FRMD4A: variants seen among roughly 807,000 people sequenced by gnomAD.
FRMD4A encodes the protein FERM domain-containing protein 4A.
Under a neutral mutation model 129.1 loss-of-function variants are expected in FRMD4A, and 29 were observed. That is an observed-to-expected ratio of 0.22 (90% CI 0.17 to 0.31). FRMD4A has a LOEUF of 0.31. Ranked by LOEUF, FRMD4A falls within the 10% of genes least tolerant of loss-of-function variation. FRMD4A has a pLI of 1.00. For synonymous variants in FRMD4A, 634 were observed against 571.6 expected (o/e 1.11, Z -1.56); for missense variants, 1,272 against 1,375.8 (o/e 0.92, Z 1.19).
intron 2 of FRMD4A, among the ~76,000 whole-genome samples, chr10:14,128,101 TTTC>T (rs1839027632): frequency 3.3e-5 from 2 of 60,136 alleles, no homozygotes; most frequent in African/African-American, 5.6e-5. Context: ...TCTTTCTTTC[TTTC>T]TTTTCTTTTC....
chr10:13,801,752 C>G (rs920586063), intron 4 of FRMD4A, among the ~76,000 whole-genome samples: 13 of 152,186 alleles, frequency 8.5e-5, no homozygotes, highest in African/African-American at 2.9e-4. Flanking sequence ...ACTTCCTGTA[C>G]TCTACAGGGT....
intron 7 of FRMD4A, 93 bp downstream of exon 7, chr10:13,762,531 G>T: frequency 1.3e-6 from 1 of 742,774 alleles, no homozygotes; most frequent in Non-Finnish European, 2.4e-6. Context: ...CAAATAGTGA[G>T]TAGATACAGC....
chr10:14,304,022 C>A (rs1445782312), intron 2 of FRMD4A, among the ~76,000 whole-genome samples: 2 of 152,130 alleles, frequency 1.3e-5, no homozygotes, highest in African/African-American at 4.8e-5. Flanking sequence ...ATACCTTTTT[C>A]ATCCATTTAT....
chr10:14,094,433 A>T (rs1399997382), intron 2 of FRMD4A, among the ~76,000 whole-genome samples: 1 of 152,212 alleles, frequency 6.6e-6, no homozygotes, highest in Non-Finnish European at 1.5e-5. Flanking sequence ...CTATCCTGCT[A>T]TCCTGCTTCC....
Position 14,008,118 on chromosome 10 carries a change from G to C in FRMD4A, c.46-149206C>G, listed in dbSNP as rs1442643304. 2.3e-6 allele frequency: 3 copies of C among 1,302,046 alleles called. 1 individual carries two copies. In the Admixed American group the frequency reaches 6.9e-5, roughly 30 times the overall value. The allele number at this position is 1,302,046 out of a possible 1,614,324, so 80.7% of individuals were successfully genotyped here. ...AGGAATTTTCAGTAAAAGTCTTTGG[G>C]ATCTATTCGGAGCCACTGCAGCCTG... On this transcript the variant is annotated intron_variant, in intron 2 of 24. Coordinates refer to ENST00000357447, the MANE Select transcript of FRMD4A (RefSeq NM_018027.5).
chr10:14,187,529 C>CT (rs1436335056), intron 2 of FRMD4A, among the ~76,000 whole-genome samples: 1 of 152,196 alleles, frequency 6.6e-6, no homozygotes, highest in Non-Finnish European at 1.5e-5. Flanking sequence ...TATCCCATGC[C>CT]TTTCTCCATT....
intron 17 of FRMD4A, chr10:13,668,477 A>G (rs1252031319): frequency 6.6e-6 from 1 of 152,250 alleles, no homozygotes; most frequent in Non-Finnish European, 1.5e-5. Flanking sequence ...ATAGGGAAGC[A>G]AAGTGCGTTT....
At chr10:13,694,245 G>C (rs372221011) in intron 14 of FRMD4A, among the ~76,000 whole-genome samples, 2 of 152,376 alleles carry the variant, frequency 1.3e-5, no homozygotes, top group South Asian at 2.1e-4. Context: ...CTCAAGAGCT[G>C]CATCAATTGA....
intron 2 of FRMD4A, among the ~76,000 whole-genome samples, chr10:13,981,664 C>T (rs923480425): frequency 2.0e-5 from 3 of 146,548 alleles, no homozygotes; most frequent in African/African-American, 5.0e-5. Flanking sequence ...GTTTCAACTC[C>T]GGAGGCGGAG....
intron 2 of FRMD4A, among the ~76,000 whole-genome samples, chr10:14,002,736 A>G (rs1375370238): frequency 6.6e-6 from 1 of 152,188 alleles, no homozygotes; most frequent in African/African-American, 2.4e-5. Context: ...GGGAGCCAGC[A>G]GGGAGAGCAT....
chr10:13,977,392 T>C (rs1395797144), intron 2 of FRMD4A, among the ~76,000 whole-genome samples: 1 of 152,224 alleles, frequency 6.6e-6, no homozygotes, highest in Non-Finnish European at 1.5e-5. Flanking sequence ...GCAATCTCCA[T>C]GTGTAATCAA....
chr10:14,329,656 C>T (rs1843433404), intron 2 of FRMD4A, among the ~76,000 whole-genome samples: 1 of 152,070 alleles, frequency 6.6e-6, no homozygotes, highest in African/African-American at 2.4e-5. Flanking sequence ...ATTCTGTCAC[C>T]CCATGGGCAA....
At chr10:13,648,576 G>C (rs994064584) in intron 24 of FRMD4A, 1 of 152,164 alleles carries the variant, frequency 6.6e-6, no homozygotes, top group Non-Finnish European at 1.5e-5. Flanking sequence ...GTGGCCACGT[G>C]CCTGAGCAGC....
intron 2 of FRMD4A, among the ~76,000 whole-genome samples, chr10:14,184,775 G>A (rs189881376): frequency 6.9e-4 from 105 of 152,260 alleles, no homozygotes; most frequent in Admixed American, 3.4e-3. Context: ...TGAAAGAAGA[G>A]AAGTTTGGAG....
intron 2 of FRMD4A, among the ~76,000 whole-genome samples, chr10:14,202,084 G>T (rs1241983215): frequency 6.6e-6 from 1 of 151,904 alleles, no homozygotes; most frequent in Non-Finnish European, 1.5e-5. Context: ...GTTGCAGTGA[G>T]CTGAGATCGT....
chr10:14,216,349 A>G (rs183666825), intron 2 of FRMD4A, among the ~76,000 whole-genome samples: 2 of 152,096 alleles, frequency 1.3e-5, no homozygotes, highest in African/African-American at 2.4e-5. Context: ...TGCACTTCCA[A>G]TAGGTACAGG....
intron 2 of FRMD4A, among the ~76,000 whole-genome samples, chr10:14,081,339 G>A (rs11818265): frequency 0.033 from 4,973 of 152,214 alleles, 121 homozygotes; most frequent in African/African-American, 0.078. Context: ...TTCAGGGTCT[G>A]GGTGCCTGCA....
chr10:13,838,765 T>C (rs1350722286), intron 3 of FRMD4A, among the ~76,000 whole-genome samples: 2 of 152,130 alleles, frequency 1.3e-5, no homozygotes, highest in African/African-American at 2.4e-5. Flanking sequence ...AGTGCTGAGA[T>C]TACAGGCGTG....
chr10:13,675,431 T>C (rs2083896361), intron 15 of FRMD4A, among the ~76,000 whole-genome samples: 2 of 152,244 alleles, frequency 1.3e-5, no homozygotes, highest in African/African-American at 4.8e-5. Context: ...TGAGACAGTC[T>C]CACTCTGTCA....
Sources: gnomAD v4.1 joint callset for allele counts (sites outside exome capture counted in the v4.1 genomes callset) on GRCh38, gnomAD v4.1.1 for gene constraint, MANE v1.5 for transcripts, NCBI Gene and HGNC (gene_info 2026-07-23, HGNC 2026-07-21) for gene names.